Variants in SULF1 observed in about 807,000 individuals in gnomAD.
SULF1 encodes the protein sulfatase 1, also known as extracellular sulfatase Sulf-1.
Under a neutral mutation model 110.5 loss-of-function variants are expected in SULF1, and 46 were observed. That is an observed-to-expected ratio of 0.42 (90% confidence interval 0.33 to 0.53). SULF1 has a LOEUF of 0.53. Ranked by LOEUF, SULF1 falls within the 20% of genes least tolerant of loss-of-function variation. The pLI, the probability that SULF1 is intolerant of heterozygous loss-of-function variation, is 0.12. For synonymous variants in SULF1, 371 were observed against 387.1 expected (o/e 0.96, Z 0.49); for missense variants, 941 against 1,094.2 (o/e 0.86, Z 1.98).
intron 21 of SULF1, among the ~76,000 whole-genome samples, chr8:69,639,863 A>G (rs990721601): frequency 4.6e-5 from 7 of 152,182 alleles, no homozygotes; most frequent in African/African-American, 1.4e-4. Context: ...GCAGGGTCAC[A>G]AAGGCTTTTG....
chr8:69,545,658 GT>G (rs1814207090), intron 3 of SULF1, among the ~76,000 whole-genome samples: 1 of 151,848 alleles, frequency 6.6e-6, no homozygotes, highest in South Asian at 2.1e-4. Flanking sequence ...GGTTTTTTGG[GT>G]TTTTTTGTTT....
chr8:69,496,128 G>A (rs901546466), intron 2 of SULF1, among the ~76,000 whole-genome samples: 13 of 152,186 alleles, frequency 8.5e-5, no homozygotes, highest in Non-Finnish European at 1.3e-4. Context: ...AGCCTCTATC[G>A]GATTTCCTGG....
chr8:69,485,556 A>G (rs1262198619), intron 1 of SULF1, among the ~76,000 whole-genome samples: 1 of 152,192 alleles, frequency 6.6e-6, no homozygotes, highest in African/African-American at 2.4e-5. Context: ...CCAGCCCCAG[A>G]CATGGGTACT....
At chr8:69,584,986 T>C (rs1398062068) in intron 6 of SULF1, among the ~76,000 whole-genome samples, 4 of 152,230 alleles carry the variant, frequency 2.6e-5, no homozygotes. Context: ...CCCAAGCCAG[T>C]CTTCCAGGAA....
intron 13 of SULF1, among the ~76,000 whole-genome samples, chr8:69,611,409 C>G (rs1446280544): frequency 6.6e-6 from 1 of 152,178 alleles, no homozygotes; most frequent in African/African-American, 2.4e-5. Flanking sequence ...TCTTCTGCTT[C>G]TCCTTTTCTG....
At chr8:69,519,445 C>T (rs1333585715) in intron 3 of SULF1, among the ~76,000 whole-genome samples, 1 of 151,890 alleles carries the variant, frequency 6.6e-6, no homozygotes, top group East Asian at 1.9e-4. Context: ...TTTTAAGCAA[C>T]TGAGAATAAT....
chr8:69,620,359 T>G (rs1780079822), intron 13 of SULF1, among the ~76,000 whole-genome samples: 1 of 152,216 alleles, frequency 6.6e-6, no homozygotes, highest in Non-Finnish European at 1.5e-5. Flanking sequence ...CAGGAATCCC[T>G]GTCCCCATTT....
chr8:69,567,562 T>A (rs1297800629), intron 5 of SULF1, among the ~76,000 whole-genome samples: 1 of 152,220 alleles, frequency 6.6e-6, no homozygotes, highest in East Asian at 1.9e-4. Context: ...ACTCTAGGTA[T>A]CTTATATGGG....
chr8:69,559,768 G>T (rs1308647038), intron 3 of SULF1, among the ~76,000 whole-genome samples: 1 of 151,768 alleles, frequency 6.6e-6, no homozygotes, highest in African/African-American at 2.4e-5. Flanking sequence ...AAGGGACTTT[G>T]TGTGAACCTC....
chr8:69,572,263 G>T (rs1805287491), intron 5 of SULF1, among the ~76,000 whole-genome samples: 2 of 152,160 alleles, frequency 1.3e-5, no homozygotes, highest in South Asian at 2.1e-4. Flanking sequence ...TGGTCTCTGG[G>T]AAGACTGCCT....
chr8:69,628,972 T>C (rs1810312912), intron 18 of SULF1, among the ~76,000 whole-genome samples: 1 of 152,182 alleles, frequency 6.6e-6, no homozygotes, highest in African/African-American at 2.4e-5. Flanking sequence ...AAAATGTTGG[T>C]CCTCTTAGGT....
At chr8:69,515,398 A>G (rs1811860181) in intron 3 of SULF1, among the ~76,000 whole-genome samples, 1 of 152,138 alleles carries the variant, frequency 6.6e-6, no homozygotes, top group Non-Finnish European at 1.5e-5. Context: ...AGCAGCTAGG[A>G]TGTGGGGTGC....
intron 22 of SULF1, among the ~76,000 whole-genome samples, chr8:69,646,936 GAA>G (rs1461544133): frequency 7.6e-6 from 1 of 131,414 alleles, no homozygotes; most frequent in African/African-American, 3.1e-5. Flanking sequence ...AAGAGCCCTG[GAA>G]TTTTTTTTTT....
At chr8:69,623,881 CTT>C (rs1809799004) in intron 14 of SULF1, 59 bp from the exon 15 acceptor site, 5 of 1,557,116 alleles carry the variant, frequency 3.2e-6, no homozygotes, top group Non-Finnish European at 4.4e-6. Context: ...CAGGTGATCA[CTT>C]TCTTCCCTTG....
chr8:69,546,956 G>A (rs1351828976), intron 3 of SULF1, among the ~76,000 whole-genome samples: 1 of 152,132 alleles, frequency 6.6e-6, no homozygotes, highest in Non-Finnish European at 1.5e-5. Flanking sequence ...GCAATGAAAA[G>A]GTTTGAAACC....
At chr8:69,500,334 C>T (rs945293673) in intron 2 of SULF1, among the ~76,000 whole-genome samples, 1 of 152,138 alleles carries the variant, frequency 6.6e-6, no homozygotes, top group Non-Finnish European at 1.5e-5. Flanking sequence ...TCCCATTTGT[C>T]AGAGGAGAAT....
At position 69,659,983 on chromosome 8, in the gene SULF1, T is replaced by C. The variant is rs1216745062; in HGVS notation, c.*1448T>C. On this transcript the variant is annotated 3_prime_UTR_variant, in exon 23 of 23. Transcript: ENST00000402687. ...AATGTTGCATGTGTTTTACCTCGAC[T>C]TGCTAAAATCGATTAGCAGAAAGGC... 2 of 152,606 alleles carry C rather than the reference T, an allele frequency of 1.3e-5. No homozygotes were observed. Among genetic ancestry groups the C allele is most frequent in the African/African-American group, 4.8e-5 (2 of 41,446 alleles). 9.5% of individuals were successfully genotyped at this position (152,606 alleles called of 1,614,324 possible). A position where few individuals can be genotyped will look rare whatever the true frequency, so the allele number is the denominator to read the frequency against.
At chr8:69,604,652 T>G in intron 12 of SULF1, 151 bp from the exon 13 acceptor site, 1 of 906,824 alleles carries the variant, frequency 1.1e-6, no homozygotes. Flanking sequence ...CATCAAATGT[T>G]GAACTCCTGT....
chr8:69,536,669 C>G (rs1813447472), intron 3 of SULF1, among the ~76,000 whole-genome samples: 1 of 152,188 alleles, frequency 6.6e-6, no homozygotes, highest in Non-Finnish European at 1.5e-5. Flanking sequence ...CCCCGAAGCA[C>G]AGACACCTAA....
Sources: allele counts gnomAD v4.1 joint callset (sites outside exome capture counted in the v4.1 genomes callset), GRCh38; gene constraint gnomAD v4.1.1; transcripts MANE v1.5; gene names NCBI Gene and HGNC (gene_info 2026-07-23, HGNC 2026-07-21).